Variants in TMEM132D observed in about 807,000 individuals in gnomAD.
TMEM132D encodes the protein transmembrane protein 132D.
Under a neutral mutation model 62.3 loss-of-function variants are expected in TMEM132D, and 21 were observed. The ratio of observed to expected loss-of-function variants is 0.34; its 90% CI spans 0.24 to 0.49. The LOEUF (loss-of-function observed/expected upper bound fraction) is 0.49. TMEM132D is among the 20% of genes least tolerant of loss of function. The pLI, the probability that TMEM132D is intolerant of heterozygous loss-of-function variation, is 0.99. For missense variants in TMEM132D, 1,346 were observed against 1,402.8 expected (o/e 0.96, Z 0.65); for synonymous variants, 621 against 575.6 (o/e 1.08, Z -1.13).
intron 3 of TMEM132D, among the ~76,000 whole-genome samples, chr12:129,474,458 A>G (rs1318957278): frequency 1.3e-5 from 2 of 152,182 alleles, no homozygotes; most frequent in African/African-American, 4.8e-5. Flanking sequence ...TTCACAGACC[A>G]CAAGTAGGAT....
chr12:129,097,384 T>C (rs187252038), intron 5 of TMEM132D, among the ~76,000 whole-genome samples: 1 of 152,256 alleles, frequency 6.6e-6, no homozygotes, highest in Non-Finnish European at 1.5e-5. Context: ...GAGGGGACTC[T>C]CTAAATGAAT....
At chr12:129,351,605 A>G (rs1329060765) in intron 3 of TMEM132D, among the ~76,000 whole-genome samples, 1 of 152,228 alleles carries the variant, frequency 6.6e-6, no homozygotes, top group Non-Finnish European at 1.5e-5. Context: ...TTAGACACTC[A>G]CATCTCTGCC....
At chr12:129,319,634 T>C (rs1422361804) in intron 4 of TMEM132D, among the ~76,000 whole-genome samples, 1 of 152,186 alleles carries the variant, frequency 6.6e-6, no homozygotes, top group African/African-American at 2.4e-5. Flanking sequence ...ATCTGGACTG[T>C]TCAGAGCAGT....
At chr12:129,258,016 A>C (rs1291171166) in intron 4 of TMEM132D, among the ~76,000 whole-genome samples, 2 of 152,064 alleles carry the variant, frequency 1.3e-5, no homozygotes, top group Non-Finnish European at 1.5e-5. Flanking sequence ...TTGCAACTAA[A>C]CTCATGCAAC....
At chr12:129,584,143 G>C (rs1399794242) in intron 2 of TMEM132D, among the ~76,000 whole-genome samples, 1 of 151,962 alleles carries the variant, frequency 6.6e-6, no homozygotes, top group Non-Finnish European at 1.5e-5. Context: ...GATTGCTATA[G>C]TTTTTGCTGA....
chr12:129,418,603 T>A (rs1305813973), intron 3 of TMEM132D, among the ~76,000 whole-genome samples: 1 of 152,090 alleles, frequency 6.6e-6, no homozygotes, highest in Non-Finnish European at 1.5e-5. Context: ...GAGAAATACC[T>A]AATGCATGTG....
intron 3 of TMEM132D, among the ~76,000 whole-genome samples, chr12:129,519,533 A>T (rs1875786017): frequency 1.3e-5 from 2 of 152,198 alleles, no homozygotes; most frequent in African/African-American, 2.4e-5. Context: ...GAAATTAAAA[A>T]CATTATTCTG....
At position 129,084,513 on chromosome 12, in the gene TMEM132D, T is replaced by C; in HGVS notation, c.1633A>G (p.Ile545Val). The stretch of plus-strand genomic sequence containing the variant: ...CATACCCACCTCCTGCTGGAGACGA[T>C]GGGCACTCTCCAACCCTTGATCTGA... Reference protein sequence around the residue: ...LNQIKGWRVPIVSSRRPAGDS... With the variant: ...LNQIKGWRVPVVSSRRPAGDS... Residue 545 changes from isoleucine to valine, a missense_variant, in exon 6 of 9, where the codon ATC becomes GTC. Transcript: ENST00000422113. 3 of 1,603,298 alleles carry C rather than the reference T, an allele frequency of 1.9e-6. No homozygotes were observed. Among genetic ancestry groups the C allele is most frequent in the South Asian group, 1.1e-5 (1 of 88,626 alleles).
At chr12:129,284,733 T>C (rs12318265) in intron 4 of TMEM132D, among the ~76,000 whole-genome samples, 4,061 of 152,216 alleles carry the variant, frequency 0.027, 178 homozygotes, top group East Asian at 0.2. Context: ...TATTCAGCCA[T>C]AAAAAAGGAA....
intron 5 of TMEM132D, among the ~76,000 whole-genome samples, chr12:129,146,811 C>A (rs1471052947): frequency 3.3e-5 from 5 of 152,188 alleles, no homozygotes; most frequent in African/African-American, 4.8e-5. Context: ...GCGCAACACA[C>A]TCTTCCAAAG....
At chr12:129,881,037 C>T (rs185059674) in intron 1 of TMEM132D, among the ~76,000 whole-genome samples, 3 of 151,778 alleles carry the variant, frequency 2.0e-5, no homozygotes, top group East Asian at 1.9e-4. Context: ...GGAAAATACA[C>T]CAAGTGACCT....
chr12:129,629,522 T>C (rs1018538061), intron 2 of TMEM132D, among the ~76,000 whole-genome samples: 3 of 152,206 alleles, frequency 2.0e-5, no homozygotes, highest in African/African-American at 7.2e-5. Flanking sequence ...CTTGATCCCA[T>C]CTCGGTTTAA....
At chr12:129,189,481 G>A (rs1296556364) in intron 5 of TMEM132D, among the ~76,000 whole-genome samples, 3 of 152,142 alleles carry the variant, frequency 2.0e-5, no homozygotes, top group Non-Finnish European at 4.4e-5. Context: ...AGGAAAGAGG[G>A]CTACCCTCCG....
At chr12:129,838,952 TC>T (rs1873091006) in intron 1 of TMEM132D, among the ~76,000 whole-genome samples, 2 of 139,818 alleles carry the variant, frequency 1.4e-5, no homozygotes, top group African/African-American at 2.6e-5. Context: ...AACTTAAAAC[TC>T]TTTTTTTTTT....
At chr12:129,355,979 G>A (rs1194543795) in intron 3 of TMEM132D, among the ~76,000 whole-genome samples, 1 of 152,084 alleles carries the variant, frequency 6.6e-6, no homozygotes, top group Non-Finnish European at 1.5e-5. Context: ...CGGGATCAGG[G>A]TGAAGCTACC....
intron 5 of TMEM132D, among the ~76,000 whole-genome samples, chr12:129,087,380 G>A (rs1327340889): frequency 6.6e-6 from 1 of 151,542 alleles, no homozygotes; most frequent in South Asian, 2.1e-4. Context: ...TCCACTGAGA[G>A]ACACTTAGGT....
chr12:129,370,462 G>A (rs531491300), intron 3 of TMEM132D, among the ~76,000 whole-genome samples: 1 of 152,192 alleles, frequency 6.6e-6, no homozygotes, highest in South Asian at 2.1e-4. Flanking sequence ...CTGGGATTCA[G>A]AGCCCCTTGC....
chr12:129,450,539 G>A (rs1373998730), intron 3 of TMEM132D, among the ~76,000 whole-genome samples: 4 of 152,084 alleles, frequency 2.6e-5, no homozygotes, highest in Non-Finnish European at 5.9e-5. Flanking sequence ...TTTCAAGTAA[G>A]AGTAAAATGC....
At chr12:129,680,755 G>A (rs1880757135) in intron 2 of TMEM132D, among the ~76,000 whole-genome samples, 2 of 152,198 alleles carry the variant, frequency 1.3e-5, no homozygotes, top group South Asian at 4.1e-4. Context: ...TGGTGACACA[G>A]CCCAAGTATG....
Sources: allele counts gnomAD v4.1 joint callset (sites outside exome capture counted in the v4.1 genomes callset), GRCh38; gene constraint gnomAD v4.1.1; transcripts MANE v1.5; gene names NCBI Gene and HGNC (gene_info 2026-07-23, HGNC 2026-07-21).